Variants in CUBN observed in about 807,000 individuals in gnomAD.
CUBN encodes the protein 460 kDa receptor.
In CUBN, 282 loss-of-function variants were observed where a neutral mutation model predicts 405.3. The observed-to-expected ratio is 0.70, with a 90% CI of 0.63 to 0.77. The LOEUF (loss-of-function observed/expected upper bound fraction) is 0.77, where lower values mean the gene tolerates loss of function less well. Among genes scored for constraint, CUBN ranks in the 30% least tolerant of loss-of-function variants. The pLI is 0.00. For missense variants in CUBN, 4,514 were observed against 4,475.2 expected, an observed-to-expected ratio of 1.01 and a Z score of -0.25; for synonymous variants, 1,684 against 1,617.0, an observed-to-expected ratio of 1.04 and a Z score of -0.99.
chr10:16,944,265 T>C (rs565752046), intron 36 of CUBN, among the ~76,000 whole-genome samples: 2 of 152,306 alleles, frequency 1.3e-5, no homozygotes, highest in Non-Finnish European at 2.9e-5. Flanking sequence ...CTCCCTTTCT[T>C]CCCTTTCTGC....
chr10:16,895,961 A>G (rs1841170574), intron 54 of CUBN, among the ~76,000 whole-genome samples: 1 of 151,872 alleles, frequency 6.6e-6, no homozygotes, highest in Admixed American at 6.6e-5. Context: ...TCTTTTCTTG[A>G]TATCTTGGGG....
intron 64 of CUBN, 104 bp from the exon 65 acceptor site, chr10:16,831,521 G>T: frequency 9.3e-7 from 1 of 1,070,538 alleles, no homozygotes; most frequent in South Asian, 1.3e-5. Context: ...GAAAAGCTTT[G>T]TCTTTTTATA....
chr10:17,084,171 T>G, intron 17 of CUBN, 100 bp downstream of exon 17: 1 of 1,163,078 alleles, frequency 8.6e-7, no homozygotes, highest in Non-Finnish European at 1.3e-6. Context: ...TCAGGTATTC[T>G]GGCTGCTGGT....
intron 13 of CUBN, among the ~76,000 whole-genome samples, chr10:17,101,403 G>C (rs1354059588): frequency 6.6e-6 from 1 of 151,942 alleles, no homozygotes; most frequent in Non-Finnish European, 1.5e-5. Flanking sequence ...CTAAATGGAA[G>C]GAAGGAAATT....
At chr10:16,976,900 A>G (rs367578589) in intron 31 of CUBN, among the ~76,000 whole-genome samples, 102 of 152,178 alleles carry the variant, frequency 6.7e-4, no homozygotes, top group Admixed American at 4.4e-3. Context: ...TCAGTTCTCA[A>G]ATTTGTAGTT....
intron 14 of CUBN, among the ~76,000 whole-genome samples, chr10:17,095,666 A>T (rs1432244145): frequency 6.6e-6 from 1 of 152,014 alleles, no homozygotes; most frequent in African/African-American, 2.4e-5. Context: ...GTACAGCCAT[A>T]TTTAAAACAA....
rs143133770 is a variant in CUBN, at chr10:16,890,696, C to A, written c.8599-169G>T. On this transcript the variant is annotated intron_variant, in intron 54 of 66. Transcript: ENST00000377833. ...TCTTTTGAGAATAATTTTTTTAAAGCTGTTTTTAAAATAGCATGTCCCATT... is the reference window on the plus strand; with the variant it reads ...TCTTTTGAGAATAATTTTTTTAAAGATGTTTTTAAAATAGCATGTCCCATT... 8.4e-4 allele frequency among the ~76,000 whole-genome samples: 128 copies of A among 152,274 alleles called. 1 individual carries two copies. Among genetic ancestry groups the A allele is most frequent in the Non-Finnish European group, 1.6e-3 (110 of 68,012 alleles).
At chr10:17,001,277 G>A (rs1833871538) in intron 28 of CUBN, among the ~76,000 whole-genome samples, 1 of 152,354 alleles carries the variant, frequency 6.6e-6, no homozygotes, top group South Asian at 2.1e-4. Flanking sequence ...AGCTTCCACA[G>A]CGTGCAGGGC....
chr10:17,075,813 G>A (rs1156849983), intron 17 of CUBN, among the ~76,000 whole-genome samples: 2 of 152,122 alleles, frequency 1.3e-5, no homozygotes, highest in Admixed American at 1.3e-4. Context: ...TAACCAAACA[G>A]TAAGTCTCTG....
At chr10:17,054,115 G>A (rs1046588702) in intron 22 of CUBN, among the ~76,000 whole-genome samples, 7 of 151,888 alleles carry the variant, frequency 4.6e-5, no homozygotes, top group South Asian at 2.1e-4. Flanking sequence ...GGCAGATTAC[G>A]TGGTCAGGAG....
chr10:16,903,660 T>A (rs1211465918), intron 51 of CUBN, among the ~76,000 whole-genome samples: 1 of 147,656 alleles, frequency 6.8e-6, no homozygotes, highest in East Asian at 1.9e-4. Flanking sequence ...TATTAATAAT[T>A]ATTTATTATT....
chr10:16,947,715 C>T (rs997414982), intron 35 of CUBN, among the ~76,000 whole-genome samples: 2 of 152,206 alleles, frequency 1.3e-5, no homozygotes, highest in Non-Finnish European at 2.9e-5. Flanking sequence ...GAACCCAACG[C>T]AGCATGCTTG....
At chr10:17,028,503 G>A (rs1470534057) in intron 27 of CUBN, among the ~76,000 whole-genome samples, 3 of 151,748 alleles carry the variant, frequency 2.0e-5, no homozygotes, top group Non-Finnish European at 4.4e-5. Flanking sequence ...GGTGGATCAC[G>A]TGAGGCCAGG....
At chr10:17,009,839 TG>T (rs1174833888) in intron 28 of CUBN, among the ~76,000 whole-genome samples, 1 of 152,206 alleles carries the variant, frequency 6.6e-6, no homozygotes, top group African/African-American at 2.4e-5. Context: ...CTTCTGTCCC[TG>T]GGGGAAAGTT....
chr10:17,036,846 G>C (rs1277486839), intron 27 of CUBN, among the ~76,000 whole-genome samples: 2 of 152,220 alleles, frequency 1.3e-5, no homozygotes, highest in Non-Finnish European at 2.9e-5. Flanking sequence ...CTTGGGGGCA[G>C]CAGGAACACT....
At chr10:16,945,058 T>G (rs1359983651) in intron 36 of CUBN, among the ~76,000 whole-genome samples, 1 of 152,194 alleles carries the variant, frequency 6.6e-6, no homozygotes, top group African/African-American at 2.4e-5. Context: ...ATGAATTTAA[T>G]TAAATAGCTT....
At chr10:17,105,258 A>C (rs1836598417) in intron 11 of CUBN, among the ~76,000 whole-genome samples, 199 bp downstream of exon 11, 1 of 152,234 alleles carries the variant, frequency 6.6e-6, no homozygotes, top group African/African-American at 2.4e-5. Flanking sequence ...TTCATAAACC[A>C]CTGAGACAAA....
chr10:16,963,187 C>CTTTTCTTT (rs1843284641), intron 31 of CUBN, among the ~76,000 whole-genome samples: 1 of 84,352 alleles, frequency 1.2e-5, no homozygotes, highest in Non-Finnish European at 2.2e-5. Context: ...CTTTTCTTTT[C>CTTTTCTTT]TTTTTTTTCT....
At chr10:16,917,107 C>T (rs531214352) in intron 45 of CUBN, among the ~76,000 whole-genome samples, 205 of 152,070 alleles carry the variant, frequency 1.3e-3, no homozygotes, top group Non-Finnish European at 2.5e-3. Flanking sequence ...CCACCATGCC[C>T]CACTGACATG....
Sources: gnomAD v4.1 joint callset for allele counts (sites outside exome capture counted in the v4.1 genomes callset) on GRCh38, gnomAD v4.1.1 for gene constraint, MANE v1.5 for transcripts, NCBI Gene and HGNC (gene_info 2026-07-23, HGNC 2026-07-21) for gene names.